TBC1D26: variants seen among roughly 807,000 people sequenced by gnomAD.
TBC1D26 encodes the protein TBC1 domain family, member 26.
In TBC1D26, 19 loss-of-function variants were observed where a neutral mutation model predicts 42.5. The ratio of observed to expected loss-of-function variants is 0.45; its 90% CI spans 0.31 to 0.66. The LOEUF (loss-of-function observed/expected upper bound fraction) is 0.66, where lower values mean the gene tolerates loss of function less well. TBC1D26 is among the 30% of genes least tolerant of loss of function. TBC1D26 has a pLI of 0.06. For synonymous variants in TBC1D26, 97 were observed against 123.5 expected (o/e 0.79, Z 1.42); for missense variants, 228 against 332.6 (o/e 0.69, Z 2.45).
At chr17:15,739,534 A>G (rs182535215) in intron 8 of TBC1D26, among the ~76,000 whole-genome samples, 1 of 152,398 alleles carries the variant, frequency 6.6e-6, no homozygotes, top group Non-Finnish European at 1.5e-5. Context: ...TGCCCGCAGG[A>G]ACATGGGTGG....
intron 14 of TBC1D26, 80 bp downstream of exon 14, chr17:15,743,596 C>T: frequency 2.2e-6 from 1 of 455,726 alleles, no homozygotes; most frequent in Non-Finnish European, 2.9e-6. Context: ...CCCGCCAGCC[C>T]TCCTACCTGG....
At chr17:15,738,227 C>T in intron 6 of TBC1D26, 53 bp from the exon 7 acceptor site, 2 of 1,609,848 alleles carry the variant, frequency 1.2e-6, no homozygotes, top group Non-Finnish European at 1.7e-6. Flanking sequence ...GCCAGCTTTG[C>T]TCTGCGGGGT....
intron 1 of TBC1D26, among the ~76,000 whole-genome samples, chr17:15,733,243 G>T (rs1192248671): frequency 1.3e-5 from 2 of 151,794 alleles, no homozygotes; most frequent in South Asian, 4.1e-4. Flanking sequence ...GGTCTGGTTA[G>T]TGGGGGCCTG....
chr17:15,735,749 C>A, intron 4 of TBC1D26, 70 bp downstream of exon 4: 1 of 572,078 alleles, frequency 1.7e-6, no homozygotes, highest in Non-Finnish European at 3.2e-6. Context: ...TTTAGAAAGG[C>A]CTCTCTGAAG....
rs773738177 is a variant in TBC1D26 at position 15,741,979 on chromosome 17, C to T, written c.684C>T (p.Leu228=). The change falls in exon 11 of 15, where the codon CTC becomes CTT. Residue 228 remains leucine, a synonymous_variant. Transcript: ENST00000437605. The part of the protein sequence containing the change: ...YSPNTAWLER[L]LSHQEQVLHK... ...CAAATACTGCCTGGCTCGAGAGGCTCCTATCGCACCAGGAGCAGGTGCTGC... is the reference window on the plus strand; with the variant it reads ...CAAATACTGCCTGGCTCGAGAGGCTTCTATCGCACCAGGAGCAGGTGCTGC... The T allele has an allele frequency of 3.1e-6, 5 of 1,614,060 alleles. No homozygotes were observed. The highest frequency in any genetic ancestry group is 4.2e-6 in the Non-Finnish European group (5 of 1,179,996).
intron 10 of TBC1D26, 96 bp downstream of exon 10, chr17:15,741,317 C>A: frequency 1.9e-6 from 3 of 1,588,992 alleles, no homozygotes; most frequent in Admixed American, 3.4e-5. Flanking sequence ...ACCCTGACTT[C>A]CAGGCAAGGT....
chr17:15,743,424 A>C lies in TBC1D26; in HGVS notation c.965A>C (p.Gln322Pro). Residue 322 changes from glutamine to proline, a missense_variant, in exon 14 of 15, where the codon CAG becomes CCG. Coordinates refer to ENST00000437605, the MANE Select transcript of TBC1D26 (RefSeq NM_001388465.1). ...TVWEFQERLSQSWALEDNAVL... is the reference protein window; with the variant it reads ...TVWEFQERLSPSWALEDNAVL... ...TGGGAGTTTCAGGAGCGACTCTCTC[A>C]GAGCTGGGCCCTGGAGGACAACGCG... The C allele has an allele frequency of 5.1e-6, 5 of 986,668 alleles. No homozygotes were observed. The highest frequency in any genetic ancestry group is 6.0e-6 in the Non-Finnish European group (5 of 830,394). The allele number at this position is 986,668 out of a possible 1,614,324, so 61.1% of individuals were successfully genotyped here.
chr17:15,737,202 C>G (rs1967638220), intron 4 of TBC1D26, among the ~76,000 whole-genome samples: 1 of 152,122 alleles, frequency 6.6e-6, no homozygotes, highest in South Asian at 2.1e-4. Context: ...GGTGTCACCT[C>G]CAGCCCAGGT....
chr17:15,740,254 C>T (rs1282816073), intron 9 of TBC1D26, 106 bp downstream of exon 9: 1 of 1,613,366 alleles, frequency 6.2e-7, no homozygotes, highest in South Asian at 1.1e-5. Context: ...TGTTTGTCCA[C>T]CAGGACGTAG....
chr17:15,742,404 C>T lies in TBC1D26; in HGVS notation c.742-10C>T. On this transcript the variant is annotated splice_polypyrimidine_tract_variant and intron_variant, in intron 11 of 14. Coordinates refer to ENST00000437605, the MANE Select transcript of TBC1D26 (RefSeq NM_001388465.1). ...CAGGGGGCCCTGAGCACGTGTGCTC[C>T]TCCCTTCAGGGCAAGGAAGGGCTGT... 2.9e-6 allele frequency: 1 copy of T among 342,538 alleles called. No individual in the cohort carries two copies. 21.2% of individuals were successfully genotyped at this position (342,538 alleles called of 1,614,324 possible).
intron 14 of TBC1D26, 30 bp downstream of exon 14, chr17:15,743,546 G>A: frequency 1.1e-6 from 1 of 948,584 alleles, no homozygotes; most frequent in Non-Finnish European, 1.3e-6. Flanking sequence ...ACCCTCTGGA[G>A]TCACCCTCTG....
intron 9 of TBC1D26, 38 bp downstream of exon 9, chr17:15,740,186 G>A: frequency 6.2e-7 from 1 of 1,614,158 alleles, no homozygotes; most frequent in Non-Finnish European, 8.5e-7. Context: ...TGGGACATGT[G>A]CCCATATTCA....
chr17:15,737,264 C>T (rs1339209478), intron 4 of TBC1D26, among the ~76,000 whole-genome samples: 1 of 152,256 alleles, frequency 6.6e-6, no homozygotes, highest in African/African-American at 2.4e-5. Context: ...CAAGTGTCCC[C>T]CCCACCCAGG....
chr17:15,741,966 G>T lies in TBC1D26; in HGVS notation c.671G>T (p.Trp224Leu). Residue 224 changes from tryptophan (W) to leucine (L), a missense_variant, in exon 11 of 15, where the codon TGG becomes TTG. Physicochemically the swap from Trp to Leu is moderately conservative, Grantham distance 61 (BLOSUM62 -2). Around this residue, in one of 5 missense-constraint regions of TBC1D26, gnomAD observed 130 missense variants for 168.5 expected, o/e 0.77. Coordinates refer to ENST00000437605, the MANE Select transcript of TBC1D26 (RefSeq NM_001388465.1). ...LAVFYSPNTA[W>L]LERLLSHQEQ... is the part of the protein sequence containing the mutation. The stretch of plus-strand genomic sequence containing the variant: ...GTATTCTACAGCCCAAATACTGCCT[G>T]GCTCGAGAGGCTCCTATCGCACCAG... 1 of 1,614,080 alleles carries T rather than the reference G, an allele frequency of 6.2e-7. No homozygotes were observed. The highest frequency in any genetic ancestry group is 1.1e-5 in the South Asian group (1 of 91,074).
At position 15,738,391 on chromosome 17, in the gene TBC1D26, A is replaced by G. The variant is rs1272180309; in HGVS notation, c.387+4A>G. ...CCAGAACCCAGGCAAATATAAGGTAAGTCCCTCCCACACTCAGCTAGGAGT... is the reference window on the plus strand; with the variant it reads ...CCAGAACCCAGGCAAATATAAGGTAGGTCCCTCCCACACTCAGCTAGGAGT... On this transcript the variant is annotated splice_donor_region_variant and intron_variant, in intron 7 of 14. Coordinates refer to ENST00000437605, the MANE Select transcript of TBC1D26 (RefSeq NM_001388465.1). 3 of 1,613,268 alleles carry G rather than the reference A, an allele frequency of 1.9e-6. No individual in the cohort carries two copies. Among genetic ancestry groups the G allele is most frequent in the Non-Finnish European group, 2.5e-6 (3 of 1,179,732 alleles).
At chr17:15,742,758 C>T (rs1166934599) in intron 12 of TBC1D26, among the ~76,000 whole-genome samples, 151 bp from the exon 13 acceptor site, 3 of 152,238 alleles carry the variant, frequency 2.0e-5, no homozygotes, top group Admixed American at 6.5e-5. Flanking sequence ...CAAGGAGCTA[C>T]AGGACCTTGT....
rs1436093256 is a variant in TBC1D26 at position 15,743,441 on chromosome 17, G to C, written c.982G>C (p.Asp328His). 14 of 987,198 alleles carry C rather than the reference G, an allele frequency of 1.4e-5. No individual in the cohort carries two copies. In the South Asian group the frequency reaches 6.0e-4, roughly 43 times the overall value. The allele number at this position is 987,198 out of a possible 1,614,324, so 61.2% of individuals were successfully genotyped here. ...ERLSQSWALE[D>H]NAVLRNLQTS... ...ACTCTCTCAGAGCTGGGCCCTGGAGGACAACGCGGTCCTCAGGAACCTTCA... is the reference window on the plus strand; with the variant it reads ...ACTCTCTCAGAGCTGGGCCCTGGAGCACAACGCGGTCCTCAGGAACCTTCA... Residue 328 changes from aspartate to histidine, a missense_variant, in exon 14 of 15, where the codon GAC becomes CAC. By Grantham distance (81) the Asp-to-His change is moderately conservative (BLOSUM62 -1). Coordinates refer to ENST00000437605, the MANE Select transcript of TBC1D26 (RefSeq NM_001388465.1).
At chr17:15,741,424 T>C in intron 10 of TBC1D26, 1 of 865,262 alleles carries the variant, frequency 1.2e-6, no homozygotes, top group South Asian at 1.8e-5. Context: ...TCACCTCAAG[T>C]CAGACGGCTT....
chr17:15,743,717 G>C (rs1365940463), intron 14 of TBC1D26: 1 of 153,320 alleles, frequency 6.5e-6, no homozygotes. Flanking sequence ...CTAGCACTTT[G>C]GGAGGCCAGG....
Sources: allele counts gnomAD v4.1 joint callset (sites outside exome capture counted in the v4.1 genomes callset), GRCh38; gene constraint gnomAD v4.1.1; regional missense constraint gnomAD v4.1.1; transcripts MANE v1.5; gene names NCBI Gene and HGNC (gene_info 2026-07-23, HGNC 2026-07-21).